ANKRD30B: variants seen among roughly 807,000 people sequenced by gnomAD.
The protein encoded by ANKRD30B is ankyrin repeat domain 30B.
ANKRD30B carries 144 observed loss-of-function variants against 202.2 expected under a neutral mutation model. That is an observed-to-expected ratio of 0.71 (90% CI 0.62 to 0.82). ANKRD30B has a LOEUF of 0.82. Among genes scored for constraint, ANKRD30B ranks in the 40% least tolerant of loss-of-function variants. The pLI is 0.00. For synonymous variants in ANKRD30B, 508 were observed against 561.3 expected (o/e 0.91, Z 1.34); for missense variants, 1,487 against 1,669.1 (o/e 0.89, Z 1.90).
chr18:14,756,791 C>T (rs1326385120), intron 4 of ANKRD30B, among the ~76,000 whole-genome samples: 2 of 152,080 alleles, frequency 1.3e-5, no homozygotes, highest in African/African-American at 2.4e-5. Context: ...ACTCAGGGGA[C>T]TGAGGCACGA....
At chr18:14,764,520 A>G (rs531121224) in intron 7 of ANKRD30B, among the ~76,000 whole-genome samples, 2 of 152,056 alleles carry the variant, frequency 1.3e-5, no homozygotes, top group African/African-American at 2.4e-5. Flanking sequence ...CAGCCTCCCA[A>G]GTAGCTGGGA....
At chr18:14,923,088 C>A in the ANKRD30B span, among the ~76,000 whole-genome samples, 1 of 152,152 alleles carries the variant, frequency 6.6e-6, no homozygotes, top group Non-Finnish European at 1.5e-5. Context: ...AGTCCACAGG[C>A]CCTGAAGAAC....
Position 14,808,560 on chromosome 18 carries a change from A to G in ANKRD30B, c.2294A>G (p.Asp765Gly), listed in dbSNP as rs746608125. ...TLSGKLEESP[D>G]KDGLLKPTCG... Reference sequence around the variant, plus strand: ...GTCCCTTTTCTTTTAGAGTCTCCTGATAAAGATGGTCTTCTGAAGGTAATT... The same window carrying G: ...GTCCCTTTTCTTTTAGAGTCTCCTGGTAAAGATGGTCTTCTGAAGGTAATT... Residue 765 changes from aspartate to glycine, a missense_variant, in exon 25 of 44, where the codon GAT becomes GGT. Coordinates refer to ENST00000690538, the MANE Select transcript of ANKRD30B (RefSeq NM_001367607.2). 1 of 1,525,576 alleles carries G rather than the reference A, an allele frequency of 6.6e-7. No homozygotes were observed. Among genetic ancestry groups the G allele is most frequent in the Non-Finnish European group, 9.0e-7 (1 of 1,105,142 alleles). The allele number at this position is 1,525,576 out of a possible 1,614,324, so 94.5% of individuals were successfully genotyped here.
chr18:14,768,390 C>T (rs1308203329), intron 7 of ANKRD30B, among the ~76,000 whole-genome samples: 1 of 152,076 alleles, frequency 6.6e-6, no homozygotes, highest in Admixed American at 6.5e-5. Flanking sequence ...ATTTGGGGCA[C>T]TCTAGTACGT....
At chr18:14,906,746 G>T in the ANKRD30B span, among the ~76,000 whole-genome samples, 3 of 152,274 alleles carry the variant, frequency 2.0e-5, no homozygotes, top group Middle Eastern at 3.4e-3. Context: ...CCATATAGGA[G>T]TGACCATGGC....
At chr18:14,796,943 T>C (rs1401271645) in intron 18 of ANKRD30B, among the ~76,000 whole-genome samples, 1 of 152,170 alleles carries the variant, frequency 6.6e-6, no homozygotes, top group Non-Finnish European at 1.5e-5. Context: ...GAATTTACAA[T>C]ATAGTGTGTG....
At chr18:14,808,423 C>T (rs1969676677) in intron 24 of ANKRD30B, 128 bp from the exon 25 acceptor site, 1 of 1,037,676 alleles carries the variant, frequency 9.6e-7, no homozygotes, top group Non-Finnish European at 1.5e-6. Context: ...CCAAAAGACC[C>T]CAAAACCTAG....
chr18:14,828,059 G>A (rs1686164796), intron 32 of ANKRD30B, among the ~76,000 whole-genome samples: 1 of 152,126 alleles, frequency 6.6e-6, no homozygotes, highest in Admixed American at 6.6e-5. Context: ...CCTTAATCAT[G>A]CATGAAAGTG....
chr18:14,865,243 T>A, the ANKRD30B span, among the ~76,000 whole-genome samples: 156 of 151,950 alleles, frequency 1.0e-3, no homozygotes, highest in African/African-American at 3.6e-3. Context: ...CTTCTCCCAC[T>A]GGCCACCCTC....
chr18:14,929,100 A>T, the ANKRD30B span, among the ~76,000 whole-genome samples: 6 of 152,322 alleles, frequency 3.9e-5, 1 homozygote, highest in Middle Eastern at 6.8e-3. Flanking sequence ...AGCCCTGGGC[A>T]CATCTGTTCC....
chr18:14,900,510 C>T, the ANKRD30B span, among the ~76,000 whole-genome samples: 2 of 152,106 alleles, frequency 1.3e-5, no homozygotes, highest in African/African-American at 4.8e-5. Context: ...TAATGTCATT[C>T]ATTATGATGT....
chr18:14,799,185 C>A (rs767330535), intron 21 of ANKRD30B, 38 bp from the exon 22 acceptor site: 1 of 1,585,800 alleles, frequency 6.3e-7, no homozygotes, highest in South Asian at 1.1e-5. Context: ...ATGAAGTATA[C>A]ATTATATGTT....
At chr18:14,902,295 A>G in the ANKRD30B span, among the ~76,000 whole-genome samples, 5 of 152,164 alleles carry the variant, frequency 3.3e-5, no homozygotes, top group Non-Finnish European at 5.9e-5. Context: ...AGTAAAGAAT[A>G]CCATTTTCTG....
chr18:14,921,155 G>A, the ANKRD30B span, among the ~76,000 whole-genome samples: 1 of 152,190 alleles, frequency 6.6e-6, no homozygotes, highest in Non-Finnish European at 1.5e-5. Context: ...AGGCAAATGA[G>A]GGACGTGTTT....
At chr18:14,864,715 C>T in the ANKRD30B span, among the ~76,000 whole-genome samples, 1 of 151,924 alleles carries the variant, frequency 6.6e-6, no homozygotes, top group Non-Finnish European at 1.5e-5. Context: ...CTCATCTTTT[C>T]CCAAAGCCTT....
At chr18:14,822,131 G>A (rs1970453534) in intron 30 of ANKRD30B, among the ~76,000 whole-genome samples, 1 of 152,088 alleles carries the variant, frequency 6.6e-6, no homozygotes, top group Non-Finnish European at 1.5e-5. Flanking sequence ...TTTATTTTTG[G>A]TGGAGGGGTC....
At chr18:14,786,040 G>A (rs1207090114) in intron 14 of ANKRD30B, among the ~76,000 whole-genome samples, 1 of 77,738 alleles carries the variant, frequency 1.3e-5, no homozygotes, top group Non-Finnish European at 2.2e-5. Flanking sequence ...GCGAGACTCC[G>A]TCTCAAAAAA....
At chr18:14,818,781 T>C (rs9748277) in intron 30 of ANKRD30B, among the ~76,000 whole-genome samples, 2,416 of 152,206 alleles carry the variant, frequency 0.016, 68 homozygotes, top group African/African-American at 0.056. Flanking sequence ...TTTGGGTTGG[T>C]TCCAAGTCTT....
chr18:14,825,483 T>C (rs1970620295), intron 32 of ANKRD30B, among the ~76,000 whole-genome samples: 1 of 151,966 alleles, frequency 6.6e-6, no homozygotes, highest in South Asian at 2.1e-4. Context: ...GATCAAACTT[T>C]TGTCTTAGGA....
Sources: allele counts gnomAD v4.1 joint callset (sites outside exome capture counted in the v4.1 genomes callset), GRCh38; gene constraint gnomAD v4.1.1; transcripts MANE v1.5; gene names NCBI Gene and HGNC (gene_info 2026-07-23, HGNC 2026-07-21).